LSM3: variants seen among roughly 807,000 people sequenced by gnomAD.
The protein encoded by LSM3 is LSM3 homolog, U6 small nuclear RNA and mRNA degradation associated, also known as U6 snRNA-associated Sm-like protein LSm3.
LSM3 carries 14 observed loss-of-function variants against 15.4 expected under a neutral mutation model. The observed-to-expected ratio is 0.91, with a 90% CI of 0.60 to 1.42. The LOEUF (loss-of-function observed/expected upper bound fraction) is 1.42. LSM3 is among the 40% of genes most tolerant of loss of function. The pLI, the probability that LSM3 is intolerant of heterozygous loss-of-function variation, is 0.00. For missense variants in LSM3, 88 were observed against 127.9 expected (o/e 0.69, Z 1.50); for synonymous variants, 46 against 45.1 (o/e 1.02, Z -0.08).
At chr3:14,179,114 G>C (rs1696979044) in intron 1 of LSM3, among the ~76,000 whole-genome samples, 1 of 152,136 alleles carries the variant, frequency 6.6e-6, no homozygotes, top group South Asian at 2.1e-4. Context: ...TTTTAAATCT[G>C]TAGATTATTA....
At chr3:14,191,487 G>A (rs574188794) in intron 3 of LSM3, among the ~76,000 whole-genome samples, 3 of 152,162 alleles carry the variant, frequency 2.0e-5, no homozygotes, top group African/African-American at 2.4e-5. Flanking sequence ...TCAGGGATTC[G>A]ACTTCTTCCT....
intron 3 of LSM3, among the ~76,000 whole-genome samples, chr3:14,192,485 T>C (rs1574990071): frequency 1.3e-5 from 2 of 152,354 alleles, no homozygotes; most frequent in East Asian, 3.9e-4. Context: ...TGCATATATA[T>C]TTAGGATAGT....
chr3:14,179,392 G>A (rs911841193), intron 1 of LSM3, among the ~76,000 whole-genome samples: 5 of 152,178 alleles, frequency 3.3e-5, no homozygotes, highest in African/African-American at 1.2e-4. Context: ...ACTGTGATGT[G>A]CTGTGAAGGA....
In LSM3 at chr3:14,199,167, T is replaced by G. The variant is rs1179090225; in HGVS notation, c.*1051T>G. 1 of 152,214 alleles carries G rather than the reference T, an allele frequency of 6.6e-6. No individual in the cohort carries two copies. Among genetic ancestry groups the G allele is most frequent in the East Asian group, 1.9e-4 (1 of 5,186 alleles). 9.4% of individuals were successfully genotyped at this position (152,214 alleles called of 1,614,324 possible). A position where few individuals can be genotyped will look rare whatever the true frequency, so the allele number is the denominator to read the frequency against. On this transcript the variant is annotated 3_prime_UTR_variant, in exon 4 of 4. Coordinates refer to ENST00000306024, the MANE Select transcript of LSM3 (RefSeq NM_014463.3). ...CTCAGACCATTTTTCCACTCTTGGA[T>G]CATTGGCCATTAATGATGAGGGGTC... is the stretch of plus-strand genomic sequence containing the variant.
At chr3:14,183,842 C>T in intron 2 of LSM3, 95 bp from the exon 3 acceptor site, 3 of 813,096 alleles carry the variant, frequency 3.7e-6, no homozygotes, top group South Asian at 2.2e-5. Flanking sequence ...TATCAAATGC[C>T]CTAGTTGTAA....
At chr3:14,194,663 C>T (rs907567965) in intron 3 of LSM3, among the ~76,000 whole-genome samples, 3 of 151,582 alleles carry the variant, frequency 2.0e-5, no homozygotes, top group Non-Finnish European at 4.4e-5. Flanking sequence ...CAGATCCAAG[C>T]CTTGTCACCT....
intron 2 of LSM3, among the ~76,000 whole-genome samples, chr3:14,182,940 G>A (rs1408946068): frequency 6.6e-6 from 1 of 152,130 alleles, no homozygotes; most frequent in East Asian, 1.9e-4. Flanking sequence ...CTCTGGGCTT[G>A]GAAAGGAAAT....
chr3:14,180,821 CT>C (rs1164090236), intron 1 of LSM3, among the ~76,000 whole-genome samples: 153 of 46,758 alleles, frequency 3.3e-3, no homozygotes, highest in Middle Eastern at 0.025. Context: ...GCTTGCTTGC[CT>C]TTTTTTTTTT....
intron 3 of LSM3, among the ~76,000 whole-genome samples, chr3:14,187,881 C>T (rs919047590): frequency 6.6e-6 from 1 of 152,180 alleles, no homozygotes; most frequent in Non-Finnish European, 1.5e-5. Flanking sequence ...TTCCATTTTA[C>T]AGATTGTGAA....
rs148434456 is a variant in LSM3 at position 14,189,899 on chromosome 3, C to T, written c.228+5867C>T. ...TGCCTATGTCCTGAATGGTATTGCCCGGGTTTTCTTCTAGGATGTTTATGG... is the reference window on the plus strand; with the variant it reads ...TGCCTATGTCCTGAATGGTATTGCCTGGGTTTTCTTCTAGGATGTTTATGG... On this transcript the variant is annotated intron_variant, in intron 3 of 3. Coordinates refer to ENST00000306024, the MANE Select transcript of LSM3 (RefSeq NM_014463.3). Among the ~76,000 whole-genome samples the T allele has an allele frequency of 1.2e-3, 179 of 152,116 alleles. 1 individual carries two copies. Among genetic ancestry groups the T allele is most frequent in the African/African-American group, 3.7e-3 (153 of 41,490 alleles).
intron 1 of LSM3, among the ~76,000 whole-genome samples, chr3:14,181,023 G>C (rs1697033106): frequency 6.6e-6 from 1 of 151,882 alleles, no homozygotes; most frequent in Non-Finnish European, 1.5e-5. Context: ...GGCTAAGCCA[G>C]TGCTTTCAAC....
At chr3:14,188,854 C>G (rs762470350) in intron 3 of LSM3, among the ~76,000 whole-genome samples, 2 of 151,898 alleles carry the variant, frequency 1.3e-5, no homozygotes, top group East Asian at 1.9e-4. Flanking sequence ...ATGTGCATAA[C>G]GTGCAGTTTT....
intron 3 of LSM3, among the ~76,000 whole-genome samples, chr3:14,195,750 G>A (rs1436004486): frequency 6.6e-6 from 1 of 152,152 alleles, no homozygotes; most frequent in Non-Finnish European, 1.5e-5. Flanking sequence ...AAACGATACT[G>A]GTTCTGGTGT....
At chr3:14,189,023 A>G (rs1306156919) in intron 3 of LSM3, among the ~76,000 whole-genome samples, 2 of 151,438 alleles carry the variant, frequency 1.3e-5, no homozygotes, top group Non-Finnish European at 2.9e-5. Flanking sequence ...TCATTGTTCA[A>G]CTCTCACTTA....
chr3:14,180,176 C>A (rs894192171), intron 1 of LSM3, among the ~76,000 whole-genome samples: 1 of 152,202 alleles, frequency 6.6e-6, no homozygotes, highest in Non-Finnish European at 1.5e-5. Context: ...TGCAACCATC[C>A]CTTCCATGTG....
At chr3:14,191,040 A>G (rs1156701413) in intron 3 of LSM3, among the ~76,000 whole-genome samples, 2 of 152,206 alleles carry the variant, frequency 1.3e-5, no homozygotes, top group Admixed American at 6.5e-5. Context: ...ATCTACTGGC[A>G]TAATCATGTG....
chr3:14,181,739 C>A, intron 2 of LSM3, 69 bp downstream of exon 2: 1 of 1,141,652 alleles, frequency 8.8e-7, no homozygotes, highest in Non-Finnish European at 1.3e-6. Flanking sequence ...AAATGTAAAA[C>A]CTGTCCAGAG....
intron 3 of LSM3, among the ~76,000 whole-genome samples, chr3:14,184,338 G>A (rs1347826325): frequency 6.6e-6 from 1 of 152,170 alleles, no homozygotes; most frequent in Non-Finnish European, 1.5e-5. Context: ...ATGCAAGGTG[G>A]CTATGTATAA....
intron 1 of LSM3, among the ~76,000 whole-genome samples, chr3:14,179,537 T>G (rs1035372442): frequency 1.3e-5 from 2 of 152,234 alleles, no homozygotes; most frequent in African/African-American, 4.8e-5. Flanking sequence ...CAGAGAGGAC[T>G]TCTGCCCAAA....
Sources: allele counts gnomAD v4.1 joint callset (sites outside exome capture counted in the v4.1 genomes callset), GRCh38; gene constraint gnomAD v4.1.1; transcripts MANE v1.5; gene names NCBI Gene and HGNC (gene_info 2026-07-23, HGNC 2026-07-21).